NDOR1: variants seen among roughly 807,000 people sequenced by gnomAD.
NDOR1 encodes NADPH-dependent diflavin oxidoreductase 1.
NDOR1 carries 61 observed loss-of-function variants against 67.2 expected under a neutral mutation model. The observed-to-expected ratio is 0.91, with a 90% confidence interval of 0.74 to 1.12. NDOR1 has a LOEUF of 1.12. Ranked by LOEUF, NDOR1 falls within the 50% of genes most tolerant of loss-of-function variation. The pLI, the probability that NDOR1 is intolerant of heterozygous loss-of-function variation, is 0.00. For missense variants in NDOR1, 878 were observed against 802.8 expected (o/e 1.09, Z -1.13); for synonymous variants, 378 against 343.7 (o/e 1.10, Z -1.10).
At chr9:137,215,330 A>G in intron 9 of NDOR1, 77 bp from the exon 10 acceptor site, 3 of 1,550,812 alleles carry the variant, frequency 1.9e-6, no homozygotes, top group Non-Finnish European at 2.7e-6. Context: ...CCTCTGCGGG[A>G]GGTAGGTGGG....
chr9:137,206,219 TC>T lies in NDOR1; in HGVS notation c.136-12del. On this transcript the variant is annotated splice_polypyrimidine_tract_variant and intron_variant, in intron 1 of 13. Coordinates refer to ENST00000684003, the MANE Select transcript of NDOR1 (RefSeq NM_014434.4). ...CAGCCGGAGGTCTTACGTGTGTGTGTCTTTTTGTTGAGGTGAATCTGATTAA... is the reference window on the plus strand; with the variant it reads ...CAGCCGGAGGTCTTACGTGTGTGTGTTTTTTGTTGAGGTGAATCTGATTAA... 2 of 1,613,970 alleles carry T rather than the reference TC, an allele frequency of 1.2e-6. No homozygotes were observed. The highest frequency in any genetic ancestry group is 8.5e-7 in the Non-Finnish European group (1 of 1,179,962).
Position 137,212,481 on chromosome 9 carries a change from C to G in NDOR1, c.214-21C>G, listed in dbSNP as rs1554778126. The G allele has an allele frequency of 2.5e-6, 4 of 1,610,334 alleles. No individual in the cohort carries two copies. The Admixed American group carries it at 6.7e-5, about 27-fold the overall frequency. On this transcript the variant is annotated intron_variant, in intron 2 of 13. Transcript: ENST00000684003. The surrounding 1 kb of genome is among the most constrained non-coding windows in gnomAD (Gnocchi z 4.3). ...AGCCTAGAGGTCGAGGACTCTGACT[C>G]AGAGTTTCCTCCGGCTGTAGAACTT...
Position 137,212,876 on chromosome 9 carries a change from A to C in NDOR1, c.311+277A>C. ...CTGGCGCCGGTCCCCACTTTTACAA[A>C]AAGGCGTGCTGTGAAGTGTTGACGA... On this transcript the variant is annotated intron_variant, in intron 3 of 13. Coordinates refer to ENST00000684003, the MANE Select transcript of NDOR1 (RefSeq NM_014434.4). The surrounding 1 kb of genome is among the most constrained non-coding windows in gnomAD (Gnocchi z 4.3). The C allele has an allele frequency of 2.2e-6, 1 of 460,562 alleles. No individual in the cohort carries two copies. The highest frequency in any genetic ancestry group is 4.0e-6 in the Non-Finnish European group (1 of 251,320). 28.5% of individuals were successfully genotyped at this position (460,562 alleles called of 1,614,324 possible).
At chr9:137,211,554 C>T (rs184147100) in intron 2 of NDOR1, among the ~76,000 whole-genome samples, 1 of 152,194 alleles carries the variant, frequency 6.6e-6, no homozygotes, top group Non-Finnish European at 1.5e-5. Context: ...GGAAGTTCAC[C>T]AAACGGAGCA....
rs1564404765 is a variant in NDOR1, at chr9:137,217,768, C to G, written c.*1352C>G. On this transcript the variant is annotated 3_prime_UTR_variant, in exon 14 of 14. Transcript: ENST00000684003. The stretch of plus-strand genomic sequence containing the variant: ...CTGTCGCCGCCCTGGGGTCCCTGTC[C>G]TCCTATCCTGACTCCTGCCCCAGGG... The G allele has an allele frequency of 2.8e-6, 1 of 359,052 alleles. No individual in the cohort carries two copies. The highest frequency in any genetic ancestry group is 3.7e-5 in the East Asian group (1 of 27,032). 22.2% of individuals were successfully genotyped at this position (359,052 alleles called of 1,614,324 possible). A position where few individuals can be genotyped will look rare whatever the true frequency, so the allele number is the denominator to read the frequency against.
chr9:137,215,539 G>C lies in NDOR1; in HGVS notation c.1288+18G>C, dbSNP rs761582038. 2 of 1,612,332 alleles carry C rather than the reference G, an allele frequency of 1.2e-6. No individual in the cohort carries two copies. Among genetic ancestry groups the C allele is most frequent in the Non-Finnish European group, 1.7e-6 (2 of 1,179,494 alleles). ...TGGGCAAGGTGACCCCTGCTCCCAG[G>C]GTGGGGGCCGTGGGCCCATATCCCC... is the stretch of plus-strand genomic sequence containing the variant. On this transcript the variant is annotated intron_variant, in intron 10 of 13. Transcript: ENST00000684003.
At position 137,216,760 on chromosome 9, in the gene NDOR1, CA is replaced by C. The variant is rs1230993285; in HGVS notation, c.*345del. 2.9e-6 allele frequency: 1 copy of C among 346,646 alleles called. No homozygotes were observed. The highest frequency in any genetic ancestry group is 2.1e-5 in the African/African-American group (1 of 47,388). 21.5% of individuals were successfully genotyped at this position (346,646 alleles called of 1,614,324 possible). A position where few individuals can be genotyped will look rare whatever the true frequency, so the allele number is the denominator to read the frequency against. On this transcript the variant is annotated 3_prime_UTR_variant, in exon 14 of 14. Transcript: ENST00000684003. ...ACGGCATCAGCAGCCCAGTGAGCAC[CA>C]GGGGTGGCATAGGGCACCCATGAGG... is the stretch of plus-strand genomic sequence containing the variant.
In NDOR1 at chr9:137,216,998, T is replaced by C; in HGVS notation, c.*582T>C. 5.6e-6 allele frequency: 1 copy of C among 179,222 alleles called. No individual in the cohort carries two copies. Among genetic ancestry groups the C allele is most frequent in the Non-Finnish European group, 1.2e-5 (1 of 84,828 alleles). 11.1% of individuals were successfully genotyped at this position (179,222 alleles called of 1,614,324 possible). On this transcript the variant is annotated 3_prime_UTR_variant, in exon 14 of 14. Coordinates refer to ENST00000684003, the MANE Select transcript of NDOR1 (RefSeq NM_014434.4). Reference sequence around the variant, plus strand: ...AAAACCCTTGCAGTAAATGGTGGCCTCTGGGTGGTTACTTCTAGCGCAGGC... The same window carrying C: ...AAAACCCTTGCAGTAAATGGTGGCCCCTGGGTGGTTACTTCTAGCGCAGGC...
rs921666038 is a variant in NDOR1 at position 137,217,876 on chromosome 9, C to T, written c.*1460C>T. On this transcript the variant is annotated 3_prime_UTR_variant, in exon 14 of 14. Transcript: ENST00000684003. ...CTGGGCCTGTCAGTCCACCTGGGTCCTCTCTGGGCCCTGAGTGCCTGGACC... is the reference window on the plus strand; with the variant it reads ...CTGGGCCTGTCAGTCCACCTGGGTCTTCTCTGGGCCCTGAGTGCCTGGACC... 3 of 398,132 alleles carry T rather than the reference C, an allele frequency of 7.5e-6. No homozygotes were observed. Among genetic ancestry groups the T allele is most frequent in the African/African-American group, 2.1e-5 (1 of 48,594 alleles). 24.7% of individuals were successfully genotyped at this position (398,132 alleles called of 1,614,324 possible).
In NDOR1 at chr9:137,215,393, G is replaced by T. The variant is rs375375319; in HGVS notation, c.1174-14G>T. 6.3e-5 allele frequency: 45 copies of T among 714,258 alleles called. No individual in the cohort carries two copies. The African/African-American group carries it at 7.7e-4, about 12-fold the overall frequency. 44.2% of individuals were successfully genotyped at this position (714,258 alleles called of 1,614,324 possible). ...AGCCTTGTTCCACCACCCCCACCCC[G>T]CCGTCCTCCCCAGACTCACCCCTCA... On this transcript the variant is annotated splice_polypyrimidine_tract_variant and intron_variant, in intron 9 of 13. Transcript: ENST00000684003.
At chr9:137,207,242 G>A (rs1835012233) in intron 2 of NDOR1, among the ~76,000 whole-genome samples, 2 of 152,014 alleles carry the variant, frequency 1.3e-5, no homozygotes, top group Non-Finnish European at 2.9e-5. Flanking sequence ...TGAAGTGGTG[G>A]CAGAAGATAG....
rs905652572 is a variant in NDOR1, at chr9:137,217,034, C to T, written c.*618C>T. The T allele has an allele frequency of 1.8e-4, 32 of 180,140 alleles. 1 individual carries two copies. Among genetic ancestry groups the T allele is most frequent in the Non-Finnish European group, 2.0e-4 (17 of 85,794 alleles). 11.2% of individuals were successfully genotyped at this position (180,140 alleles called of 1,614,324 possible). A position where few individuals can be genotyped will look rare whatever the true frequency, so the allele number is the denominator to read the frequency against. On this transcript the variant is annotated 3_prime_UTR_variant, in exon 14 of 14. Transcript: ENST00000684003. Reference sequence around the variant, plus strand: ...ACTTCTAGCGCAGGCTTCCTTCCTTCCTCTAGCTCCTCCCGGTGCCCTGGG... The same window carrying T: ...ACTTCTAGCGCAGGCTTCCTTCCTTTCTCTAGCTCCTCCCGGTGCCCTGGG...
At chr9:137,206,503 T>G (rs1169574577) in intron 2 of NDOR1, among the ~76,000 whole-genome samples, 194 bp downstream of exon 2, 1 of 152,204 alleles carries the variant, frequency 6.6e-6, no homozygotes, top group Non-Finnish European at 1.5e-5. Context: ...AGCCACCAAA[T>G]AGCCTTATTA....
Position 137,212,615 on chromosome 9 carries a change from G to C in NDOR1, c.311+16G>C. 1.2e-6 allele frequency: 2 copies of C among 1,603,062 alleles called. No individual in the cohort carries two copies. The highest frequency in any genetic ancestry group is 1.7e-6 in the Non-Finnish European group (2 of 1,170,032). On this transcript the variant is annotated intron_variant, in intron 3 of 13. Coordinates refer to ENST00000684003, the MANE Select transcript of NDOR1 (RefSeq NM_014434.4). The surrounding 1 kb of genome is among the most constrained non-coding windows in gnomAD (Gnocchi z 4.3). ...CATACGCCAAGTGAGTAGGGGATGGGACAGTGGGCGGACGGAACAGTTCTG... is the reference window on the plus strand; with the variant it reads ...CATACGCCAAGTGAGTAGGGGATGGCACAGTGGGCGGACGGAACAGTTCTG...
rs746467033 is a variant in NDOR1 at position 137,216,314 on chromosome 9, G to A, written c.1692G>A (p.Met564Ile). The A allele has an allele frequency of 2.5e-6, 4 of 1,612,140 alleles. No individual in the cohort carries two copies. The highest frequency in any genetic ancestry group is 3.4e-6 in the Non-Finnish European group (4 of 1,179,996). Residue 564 changes from methionine (M) to isoleucine (I), a missense_variant, in exon 14 of 14, where the codon ATG becomes ATA. Met to Ile is a conservative substitution (Grantham distance 10). Coordinates refer to ENST00000684003, the MANE Select transcript of NDOR1 (RefSeq NM_014434.4). ...CAGCGGACGTCTCGGAAGCCCTGATGTCCATCTTCCAGGAGGAGGGTGGAC... is the reference window on the plus strand; with the variant it reads ...CAGCGGACGTCTCGGAAGCCCTGATATCCATCTTCCAGGAGGAGGGTGGAC... ...SMPADVSEAL[M>I]SIFQEEGGLC...
chr9:137,211,229 C>G (rs946483840), intron 2 of NDOR1, among the ~76,000 whole-genome samples: 1 of 152,176 alleles, frequency 6.6e-6, no homozygotes, highest in African/African-American at 2.4e-5. Context: ...GAAGATAATT[C>G]CAGTGGCCTC....
In NDOR1 at chr9:137,212,389, T is replaced by G; in HGVS notation, c.214-113T>G. 1.1e-6 allele frequency: 1 copy of G among 886,510 alleles called. No individual in the cohort carries two copies. Among genetic ancestry groups the G allele is most frequent in the Non-Finnish European group, 1.8e-6 (1 of 543,910 alleles). The allele number at this position is 886,510 out of a possible 1,614,324, so 54.9% of individuals were successfully genotyped here. ...TTTTGGTCAGATAGGTCCAGTTGTA[T>G]TCTGCCCCCATCCTACCCACCTGCC... On this transcript the variant is annotated intron_variant, in intron 2 of 13. Transcript: ENST00000684003. This position sits in a 1 kb window ranked among gnomAD's most constrained non-coding sequence, Gnocchi z 4.3.
intron 2 of NDOR1, among the ~76,000 whole-genome samples, chr9:137,208,475 AAAAC>A (rs1356934779): frequency 2.0e-5 from 3 of 148,824 alleles, no homozygotes; most frequent in African/African-American, 5.2e-5. Flanking sequence ...GACAAAAAAC[AAAAC>A]AAACAAACAA....
intron 2 of NDOR1, among the ~76,000 whole-genome samples, chr9:137,208,576 C>T (rs1220666668): frequency 2.0e-5 from 3 of 152,042 alleles, no homozygotes; most frequent in Non-Finnish European, 4.4e-5. Flanking sequence ...GTGGCTCATG[C>T]CTGTAATCCC....
Sources: allele counts gnomAD v4.1 joint callset (sites outside exome capture counted in the v4.1 genomes callset), GRCh38; gene constraint gnomAD v4.1.1; non-coding constraint Gnocchi (gnomAD v3.1); transcripts MANE v1.5; gene names NCBI Gene and HGNC (gene_info 2026-07-23, HGNC 2026-07-21).